The following ZNF704 variants were observed in gnomAD, a reference collection of about 807,000 sequenced individuals.
The protein encoded by ZNF704 is zinc finger protein 704.
A neutral mutation model predicts 44.7 loss-of-function variants in ZNF704; 10 were observed. The ratio of observed to expected loss-of-function variants is 0.22; its 90% CI spans 0.14 to 0.38. The LOEUF (loss-of-function observed/expected upper bound fraction) is 0.38, where lower values mean the gene tolerates loss of function less well. Ranked by LOEUF, ZNF704 falls within the 10% of genes least tolerant of loss-of-function variation. The probability of loss-of-function intolerance (pLI) is 1.00; values close to 1 mark genes in which losing one functional copy is unlikely to be tolerated. For synonymous variants in ZNF704, 211 were observed against 207.6 expected, an observed-to-expected ratio of 1.02 and a Z score of -0.14; for missense variants, 390 against 545.5, an observed-to-expected ratio of 0.71 and a Z score of 2.84.
intron 2 of ZNF704, among the ~76,000 whole-genome samples, chr8:80,722,794 CTT>C (rs144621339): frequency 0.054 from 8,239 of 152,196 alleles, 278 homozygotes; most frequent in Non-Finnish European, 0.078. Flanking sequence ...AGTGGGTTCT[CTT>C]TGTCAGCATC....
chr8:80,864,010 G>T (rs1249578498), intron 1 of ZNF704, among the ~76,000 whole-genome samples: 1 of 152,034 alleles, frequency 6.6e-6, no homozygotes, highest in Non-Finnish European at 1.5e-5. Flanking sequence ...ACCCATCGTG[G>T]GTACTGATTT....
chr8:80,791,049 T>C (rs1419865669), intron 2 of ZNF704, among the ~76,000 whole-genome samples: 7 of 152,134 alleles, frequency 4.6e-5, no homozygotes, highest in Non-Finnish European at 1.0e-4. Flanking sequence ...AAGGGAGCAC[T>C]ATAGCAAATC....
intron 4 of ZNF704, 37 bp from the exon 5 acceptor site, chr8:80,670,640 A>G: frequency 2.9e-6 from 4 of 1,385,664 alleles, no homozygotes; most frequent in Admixed American, 1.7e-5. Context: ...AATGGAAACT[A>G]TTTTCTAACA....
intron 7 of ZNF704, 104 bp from the exon 8 acceptor site, chr8:80,643,233 G>T: frequency 1.3e-6 from 1 of 745,048 alleles, no homozygotes; most frequent in Non-Finnish European, 2.1e-6. Flanking sequence ...TAGAAGCAGA[G>T]ATGAGGCCAG....
intron 2 of ZNF704, among the ~76,000 whole-genome samples, chr8:80,730,895 G>A (rs934151282): frequency 6.6e-6 from 1 of 152,140 alleles, no homozygotes; most frequent in South Asian, 2.1e-4. Context: ...TGATTAAACT[G>A]AAGAAACAAA....
intron 2 of ZNF704, among the ~76,000 whole-genome samples, chr8:80,784,777 G>A (rs960277786): frequency 2.0e-5 from 3 of 152,090 alleles, no homozygotes; most frequent in African/African-American, 7.2e-5. Flanking sequence ...CCTCTTTCAT[G>A]GAGTTTGTCT....
chr8:80,850,239 T>G (rs1011238416), intron 1 of ZNF704, among the ~76,000 whole-genome samples: 9 of 152,236 alleles, frequency 5.9e-5, no homozygotes, highest in African/African-American at 1.9e-4. Flanking sequence ...TGTCTTTTTT[T>G]GTCCGTTATT....
At position 80,759,721 on chromosome 8, in the gene ZNF704, A is replaced by C. The variant is rs527533034; in HGVS notation, c.221+61653T>G. Among the ~76,000 whole-genome samples, 3 of 152,276 alleles carry C rather than the reference A, an allele frequency of 2.0e-5. No individual in the cohort carries two copies. The East Asian group carries it at 5.8e-4, about 29-fold the overall frequency. On this transcript the variant is annotated intron_variant, in intron 2 of 8. Coordinates refer to ENST00000327835, the MANE Select transcript of ZNF704 (RefSeq NM_001033723.3). ...TGAGCTTGGGAGAGGATCCCTCCCCACTTGAGCTTCCAGATGATACTCCAG... is the reference window on the plus strand; with the variant it reads ...TGAGCTTGGGAGAGGATCCCTCCCCCCTTGAGCTTCCAGATGATACTCCAG...
intron 2 of ZNF704, among the ~76,000 whole-genome samples, chr8:80,733,011 A>AT (rs1023254576): frequency 1.3e-5 from 2 of 151,548 alleles, no homozygotes; most frequent in African/African-American, 4.8e-5. Context: ...ATCTCGACTC[A>AT]TTTAATCTTT....
intron 2 of ZNF704, among the ~76,000 whole-genome samples, chr8:80,767,005 A>C (rs907371703): frequency 3.3e-5 from 5 of 152,080 alleles, no homozygotes; most frequent in African/African-American, 1.2e-4. Flanking sequence ...GAGCCACTGA[A>C]CCCGGCGCGT....
rs1450260803 is a variant in ZNF704 at position 80,643,135 on chromosome 8, G to A, written c.1033-6C>T. On this transcript the variant is annotated splice_polypyrimidine_tract_variant and splice_region_variant and intron_variant, in intron 7 of 8. Transcript: ENST00000327835. ...GGATGATGTGTGGGTGACACCTGGT[G>A]AATACATGGAAAAGAAAGTTGATGG... 6.3e-6 allele frequency: 10 copies of A among 1,594,400 alleles called. No homozygotes were observed. The highest frequency in any genetic ancestry group is 1.3e-5 in the African/African-American group (1 of 74,122).
At chr8:80,798,602 G>C (rs4308687) in intron 2 of ZNF704, among the ~76,000 whole-genome samples, 1 of 151,848 alleles carries the variant, frequency 6.6e-6, no homozygotes, top group Non-Finnish European at 1.5e-5. Context: ...CACTTACCCA[G>C]TCTCTAAGAA....
intron 2 of ZNF704, among the ~76,000 whole-genome samples, chr8:80,774,048 T>C (rs966153892): frequency 4.3e-5 from 6 of 141,086 alleles, no homozygotes; most frequent in Admixed American, 2.7e-4. Flanking sequence ...TATTTAAATC[T>C]TCTTTTTTTT....
intron 2 of ZNF704, among the ~76,000 whole-genome samples, chr8:80,781,997 G>A (rs1319485583): frequency 6.6e-6 from 1 of 152,174 alleles, no homozygotes; most frequent in Admixed American, 6.5e-5. Flanking sequence ...GCAATAAATG[G>A]CTTTTGCTAT....
chr8:80,736,574 A>T (rs1806669664), intron 2 of ZNF704, among the ~76,000 whole-genome samples: 1 of 150,804 alleles, frequency 6.6e-6, no homozygotes, highest in South Asian at 2.1e-4. Context: ...CTGTTTCTAC[A>T]GCAGTAGTCC....
At position 80,821,479 on chromosome 8, in the gene ZNF704, T is replaced by C. The variant is rs750892550; in HGVS notation, c.116A>G (p.Lys39Arg). 1.9e-6 allele frequency: 3 copies of C among 1,614,036 alleles called. No homozygotes were observed. The African/African-American group carries it at 4.0e-5, about 22-fold the overall frequency. The part of the protein sequence containing the change: ...EEDVKTADTK[K>R]ASRILDHEKE... The stretch of plus-strand genomic sequence containing the variant: ...TTCATGGTCAAGGATCCGGCTGGCT[T>C]TTTTGGTGTCTGCTGTTTTCACATC... The change falls in exon 2 of 9, where the codon AAA becomes AGA. Residue 39 changes from lysine to arginine, a missense_variant. Physicochemically the swap from Lys to Arg is conservative, Grantham distance 26 (BLOSUM62 2). Coordinates refer to ENST00000327835, the MANE Select transcript of ZNF704 (RefSeq NM_001033723.3).
At chr8:80,755,254 C>T (rs1476264613) in intron 2 of ZNF704, among the ~76,000 whole-genome samples, 1 of 152,154 alleles carries the variant, frequency 6.6e-6, no homozygotes, top group African/African-American at 2.4e-5. Flanking sequence ...ATCATGAGGT[C>T]AGGAGTTCAA....
chr8:80,780,633 G>C (rs1319152734), intron 2 of ZNF704, among the ~76,000 whole-genome samples: 4 of 152,172 alleles, frequency 2.6e-5, no homozygotes, highest in African/African-American at 9.7e-5. Context: ...GAGAAAATCA[G>C]AGGAAGATTT....
intron 1 of ZNF704, among the ~76,000 whole-genome samples, chr8:80,834,292 T>C (rs1808521831): frequency 6.6e-6 from 1 of 152,048 alleles, no homozygotes; most frequent in African/African-American, 2.4e-5. Flanking sequence ...CAAAAAAAAG[T>C]GAGTCAAAGG....
Sources: gnomAD v4.1 joint callset for allele counts (sites outside exome capture counted in the v4.1 genomes callset) on GRCh38, gnomAD v4.1.1 for gene constraint, MANE v1.5 for transcripts, NCBI Gene and HGNC (gene_info 2026-07-23, HGNC 2026-07-21) for gene names.